The following MCC variants were observed in gnomAD, a reference collection of about 807,000 sequenced individuals.
MCC encodes the protein MCC regulator of Wnt signaling pathway.
In MCC, 90 loss-of-function variants were observed where a neutral mutation model predicts 116.2. The ratio of observed to expected loss-of-function variants is 0.77; its 90% CI spans 0.65 to 0.92. The LOEUF (loss-of-function observed/expected upper bound fraction) is 0.92. MCC is among the 40% of genes least tolerant of loss of function. The pLI is 0.00. For synonymous variants in MCC, 578 were observed against 510.5 expected, an observed-to-expected ratio of 1.13 and a Z score of -1.78; for missense variants, 1,516 against 1,312.2, an observed-to-expected ratio of 1.16 and a Z score of -2.40.
intron 1 of MCC, among the ~76,000 whole-genome samples, chr5:113,457,339 G>A (rs574606559): frequency 1.5e-3 from 234 of 152,238 alleles, no homozygotes; most frequent in Non-Finnish European, 3.0e-3. Context: ...CCAGCCCACC[G>A]TTGCTGCTCT....
chr5:113,115,249 T>G (rs1015983071), intron 6 of MCC, among the ~76,000 whole-genome samples: 3 of 152,148 alleles, frequency 2.0e-5, no homozygotes, highest in Non-Finnish European at 4.4e-5. Context: ...GGCACCCCTG[T>G]CACGAGGCCT....
At chr5:113,346,132 A>C (rs1330676771) in intron 2 of MCC, among the ~76,000 whole-genome samples, 1 of 152,204 alleles carries the variant, frequency 6.6e-6, no homozygotes, top group East Asian at 1.9e-4. Flanking sequence ...CCCTGTGCTG[A>C]GCCACCTGGA....
intron 3 of MCC, among the ~76,000 whole-genome samples, chr5:113,274,381 T>C (rs1283443370): frequency 1.3e-5 from 2 of 152,228 alleles, no homozygotes; most frequent in Non-Finnish European, 2.9e-5. Context: ...TTGTTTGAGA[T>C]GGAGTTTTGT....
At chr5:113,287,817 C>T (rs934887039) in intron 3 of MCC, among the ~76,000 whole-genome samples, 1 of 152,242 alleles carries the variant, frequency 6.6e-6, no homozygotes, top group Non-Finnish European at 1.5e-5. Context: ...CACTCACACT[C>T]AGGGTTCTGG....
intron 18 of MCC, 87 bp downstream of exon 18, chr5:113,028,847 A>C (rs1750757071): frequency 6.9e-7 from 1 of 1,452,612 alleles, no homozygotes; most frequent in Non-Finnish European, 9.4e-7. Context: ...GGAAATGTCC[A>C]TCCCTGGTGC....
chr5:113,136,577 A>T (rs1235449010), intron 5 of MCC, among the ~76,000 whole-genome samples: 3 of 152,162 alleles, frequency 2.0e-5, no homozygotes, highest in African/African-American at 7.2e-5. Flanking sequence ...TCAAAATTTA[A>T]ACCTTTTTAG....
intron 1 of MCC, among the ~76,000 whole-genome samples, chr5:113,471,290 T>C (rs1190214094): frequency 4.6e-5 from 7 of 152,220 alleles, no homozygotes; most frequent in Admixed American, 4.6e-4. Context: ...TCTGTTTTTT[T>C]CCCATCTTTG....
At chr5:113,292,348 T>C (rs1215820682) in intron 3 of MCC, among the ~76,000 whole-genome samples, 4 of 152,108 alleles carry the variant, frequency 2.6e-5, no homozygotes, top group African/African-American at 7.2e-5. Context: ...TCATGGTACC[T>C]AAAACTGGCT....
intron 1 of MCC, among the ~76,000 whole-genome samples, chr5:113,463,227 GC>G (rs1771795187): frequency 6.6e-6 from 1 of 152,124 alleles, no homozygotes; most frequent in Non-Finnish European, 1.5e-5. Flanking sequence ...AGCCTTTTTG[GC>G]CCTGCATGGT....
At chr5:113,132,372 G>GTA (rs1325884100) in intron 5 of MCC, among the ~76,000 whole-genome samples, 7 of 116,600 alleles carry the variant, frequency 6.0e-5, no homozygotes, top group East Asian at 2.7e-4. Context: ...GTGTGTGTGT[G>GTA]TATATATATA....
At chr5:113,187,127 T>C (rs1223591618) in intron 3 of MCC, among the ~76,000 whole-genome samples, 1 of 152,104 alleles carries the variant, frequency 6.6e-6, no homozygotes, top group Non-Finnish European at 1.5e-5. Flanking sequence ...TCACCTCCTA[T>C]AGTTTATCCT....
chr5:113,060,144 C>A (rs1753118016), intron 14 of MCC, among the ~76,000 whole-genome samples: 2 of 149,810 alleles, frequency 1.3e-5, no homozygotes, highest in Non-Finnish European at 3.0e-5. Context: ...AGGAGCAGCT[C>A]TTTTTGTTTG....
chr5:113,431,497 C>G (rs1770642478), intron 1 of MCC, among the ~76,000 whole-genome samples: 1 of 152,044 alleles, frequency 6.6e-6, no homozygotes, highest in African/African-American at 2.4e-5. Flanking sequence ...ACTCTATTTC[C>G]AAGCAAGGTC....
In MCC at chr5:113,122,848, C is replaced by G. The variant is rs370169396; in HGVS notation, c.885-22G>C. 5.6e-6 allele frequency: 9 copies of G among 1,613,088 alleles called. No individual in the cohort carries two copies. The African/African-American group carries it at 8.0e-5, about 14-fold the overall frequency. Reference sequence around the variant, plus strand: ...CTCCCTGAGAAAAAAGGAGAATTGGCAACCACTAACAGAGGATATAAGACA... The same window carrying G: ...CTCCCTGAGAAAAAAGGAGAATTGGGAACCACTAACAGAGGATATAAGACA... On this transcript the variant is annotated intron_variant, in intron 5 of 18. Transcript: ENST00000408903.
chr5:113,328,639 C>T (rs2150373961), intron 3 of MCC, among the ~76,000 whole-genome samples: 1 of 152,310 alleles, frequency 6.6e-6, no homozygotes, highest in African/African-American at 2.4e-5. Context: ...TAATGCTAAT[C>T]CTCCTTGTTG....
chr5:113,087,956 T>C lies in MCC; in HGVS notation c.1399-2646A>G, dbSNP rs191703840. Among the ~76,000 whole-genome samples, 250 of 152,342 alleles carry C rather than the reference T, an allele frequency of 1.6e-3. 2 individuals carry two copies. The Middle Eastern group carries it at 0.02, about 12-fold the overall frequency. On this transcript the variant is annotated intron_variant, in intron 8 of 18. Coordinates refer to ENST00000408903, the MANE Select transcript of MCC (RefSeq NM_001085377.2). ...AAAACATAAAAACAGTCAAAGTGCT[T>C]ATGTTCTTTCTTACTCTACAGAGGC... is the stretch of plus-strand genomic sequence containing the variant.
intron 3 of MCC, chr5:113,234,564 T>G (rs1223689490): frequency 6.6e-6 from 1 of 152,198 alleles, no homozygotes; most frequent in Non-Finnish European, 1.5e-5. Flanking sequence ...GGCTTTTTAC[T>G]AAACCCAAAT....
chr5:113,399,372 C>T (rs2150398060), intron 1 of MCC, among the ~76,000 whole-genome samples: 1 of 152,186 alleles, frequency 6.6e-6, no homozygotes, highest in South Asian at 2.1e-4. Context: ...GTAGTCCCAG[C>T]TACTTGGGAG....
rs144255453 is a variant in MCC, at chr5:113,444,092, G to A, written c.170+44153C>T. 2.4e-3 allele frequency among the ~76,000 whole-genome samples: 372 copies of A among 151,870 alleles called. 2 individuals are homozygous for A. Among genetic ancestry groups the A allele is most frequent in the African/African-American group, 8.0e-3 (330 of 41,416 alleles). On this transcript the variant is annotated intron_variant, in intron 1 of 18. Transcript: ENST00000408903. ...ACTCCTGACCTCACGTGATCTATCC[G>A]CTTTGGCCTCCCAAAGTGCTGGGAT...
Sources: allele counts gnomAD v4.1 joint callset (sites outside exome capture counted in the v4.1 genomes callset), GRCh38; gene constraint gnomAD v4.1.1; transcripts MANE v1.5; gene names NCBI Gene and HGNC (gene_info 2026-07-23, HGNC 2026-07-21).